Variants in IQSEC1 observed in about 807,000 individuals in gnomAD.
IQSEC1 encodes the protein IQ motif and SEC7 domain-containing protein 1.
IQSEC1 carries 31 observed loss-of-function variants against 91.0 expected under a neutral mutation model. The observed-to-expected ratio is 0.34, with a 90% CI of 0.26 to 0.46. IQSEC1 has a LOEUF of 0.46. Among genes scored for constraint, IQSEC1 ranks in the 20% least tolerant of loss-of-function variants. IQSEC1 has a pLI of 1.00. For missense variants in IQSEC1, 1,388 were observed against 1,575.6 expected (o/e 0.88, Z 2.02); for synonymous variants, 699 against 662.6 (o/e 1.05, Z -0.84).
intron 1 of IQSEC1, among the ~76,000 whole-genome samples, chr3:13,274,636 G>A (rs564970287): frequency 2.0e-5 from 3 of 152,336 alleles, no homozygotes; most frequent in South Asian, 2.1e-4. Flanking sequence ...GAATGAAGAC[G>A]TGAACAGCAA....
intron 2 of IQSEC1, among the ~76,000 whole-genome samples, chr3:13,109,859 T>C (rs1268582526): frequency 6.6e-6 from 1 of 151,206 alleles, no homozygotes; most frequent in Admixed American, 6.6e-5. Context: ...AATGGCCTAA[T>C]ACAGGCTGTT....
intron 2 of IQSEC1, 52 bp from the exon 3 acceptor site, chr3:12,936,749 A>T: frequency 6.9e-7 from 1 of 1,458,500 alleles, no homozygotes; most frequent in Non-Finnish European, 9.2e-7. Flanking sequence ...GCACAGTGCG[A>T]CATTTACCAA....
Position 13,174,613 on chromosome 3 carries a change from C to A in IQSEC1, c.273-10480G>T, listed in dbSNP as rs368585778. On this transcript the variant is annotated intron_variant, in intron 1 of 15. Coordinates refer to the IQSEC1 transcript ENST00000648114. Reference sequence around the variant, plus strand: ...CCTTCCAGAATCAGCCCTTTCCCAACCCTCTCCTGCCCTGCCTGGGCCAGG... The same window carrying A: ...CCTTCCAGAATCAGCCCTTTCCCAAACCTCTCCTGCCCTGCCTGGGCCAGG... 1.4e-4 allele frequency among the ~76,000 whole-genome samples: 22 copies of A among 152,294 alleles called. No homozygotes were observed. In the East Asian group the frequency reaches 1.5e-3, roughly 11 times the overall value.
chr3:13,187,184 G>A (rs1289264403), intron 1 of IQSEC1, among the ~76,000 whole-genome samples: 1 of 152,082 alleles, frequency 6.6e-6, no homozygotes, highest in Non-Finnish European at 1.5e-5. Context: ...ATCTACTATG[G>A]GTTAGGCACT....
In IQSEC1 at chr3:12,941,825, G is replaced by A. The variant is rs1434351674; in HGVS notation, c.64C>T (p.Leu22=). 6.2e-7 allele frequency: 1 copy of A among 1,608,724 alleles called. No individual in the cohort carries two copies. Among genetic ancestry groups the A allele is most frequent in the South Asian group, 1.1e-5 (1 of 90,544 alleles). ...TGGGGGTAGGCTGAGGGGCTGTCCA[G>A]GGATGTGCCAGTCTCACTGCTGGGG... ...EAPSSETGTS[L]DSPSAYPQGP... The change falls in exon 2 of 14, where the codon CTG becomes TTG. Residue 22 remains leucine, a synonymous_variant. Transcript: ENST00000613206.
At chr3:12,954,020 G>A (rs752527508) in intron 1 of IQSEC1, among the ~76,000 whole-genome samples, 26 of 152,220 alleles carry the variant, frequency 1.7e-4, no homozygotes, top group Admixed American at 6.5e-4. Flanking sequence ...GCGCGTAGTC[G>A]GGTGGGGGAC....
intron 12 of IQSEC1, among the ~76,000 whole-genome samples, chr3:12,904,064 C>T (rs1694689717): frequency 6.6e-6 from 1 of 152,214 alleles, no homozygotes; most frequent in Non-Finnish European, 1.5e-5. Context: ...CCCACTGTGC[C>T]CCGTCCCCAG....
At chr3:13,082,974 C>G (rs142155136) in intron 2 of IQSEC1, among the ~76,000 whole-genome samples, 1 of 152,180 alleles carries the variant, frequency 6.6e-6, no homozygotes, top group African/African-American at 2.4e-5. Context: ...GCTCCAGGCA[C>G]GGCAGAGTGT....
chr3:13,212,501 T>C (rs1369390813), intron 1 of IQSEC1, among the ~76,000 whole-genome samples: 2 of 152,212 alleles, frequency 1.3e-5, no homozygotes, highest in East Asian at 1.9e-4. Flanking sequence ...ATGAATTCTG[T>C]AGGTTTTCAT....
At chr3:13,260,450 C>A (rs746733496) in intron 1 of IQSEC1, among the ~76,000 whole-genome samples, 1 of 152,216 alleles carries the variant, frequency 6.6e-6, no homozygotes, top group Admixed American at 6.5e-5. Flanking sequence ...ACAATACTCT[C>A]ATTTCTGTCC....
At chr3:13,226,168 C>T (rs141344530) in intron 1 of IQSEC1, among the ~76,000 whole-genome samples, 534 of 152,254 alleles carry the variant, frequency 3.5e-3, no homozygotes, top group Middle Eastern at 0.024. Context: ...CGTGAGCAAC[C>T]GCGCCCAGCC....
rs1696269006 is a variant in IQSEC1, at chr3:12,917,998, G to A, written c.2021-2265C>T. On this transcript the variant is annotated intron_variant, in intron 6 of 13. Coordinates refer to ENST00000613206, the MANE Select transcript of IQSEC1 (RefSeq NM_001134382.3). Reference sequence around the variant, plus strand: ...AGAGAGGATGTGTGTTGGGGAGGGGGTGAGGATTTCCCTACAAAAAGGACA... The same window carrying A: ...AGAGAGGATGTGTGTTGGGGAGGGGATGAGGATTTCCCTACAAAAAGGACA... Among the ~76,000 whole-genome samples the A allele has an allele frequency of 2.6e-5, 4 of 152,258 alleles. No homozygotes were observed. In the South Asian group the frequency reaches 8.3e-4, roughly 32 times the overall value.
At chr3:13,122,373 G>C (rs557304602) in intron 2 of IQSEC1, among the ~76,000 whole-genome samples, 1 of 152,382 alleles carries the variant, frequency 6.6e-6, no homozygotes, top group East Asian at 1.9e-4. Flanking sequence ...CTTTGTCTTT[G>C]ACTGAGTGAG....
At position 12,941,695 on chromosome 3, in the gene IQSEC1, G is replaced by T. The variant is rs763391103; in HGVS notation, c.194C>A (p.Thr65Lys). The change falls in exon 2 of 14, where the codon ACG (threonine) becomes AAG (lysine). Residue 65 changes from threonine (T) to lysine (K), a missense_variant. Physicochemically the swap from Thr to Lys is moderately conservative, Grantham distance 78. This residue lies in a region of IQSEC1 where 1,059 missense variants were observed against 1,317.8 expected (regional missense o/e 0.80). Transcript: ENST00000613206. Reference protein sequence around the residue: ...YSGPPGQQQRTRRPKLQHSTS... With the variant: ...YSGPPGQQQRKRRPKLQHSTS... Reference sequence around the variant, plus strand: ...CGAGTGCTGCAGCTTGGGCCTCCGCGTGCGCTGCTGTTGCCCCGGCGGCCC... The same window carrying T: ...CGAGTGCTGCAGCTTGGGCCTCCGCTTGCGCTGCTGTTGCCCCGGCGGCCC... The T allele has an allele frequency of 1.2e-6, 2 of 1,612,688 alleles. No individual in the cohort carries two copies. Among genetic ancestry groups the T allele is most frequent in the Non-Finnish European group, 8.5e-7 (1 of 1,179,972 alleles).
At chr3:13,063,384 AT>A (rs1176283467) in intron 1 of IQSEC1, among the ~76,000 whole-genome samples, 1 of 152,236 alleles carries the variant, frequency 6.6e-6, no homozygotes, top group Non-Finnish European at 1.5e-5. Flanking sequence ...TCAAAATGGC[AT>A]TTGATGGAAT....
chr3:13,045,354 C>T (rs1227141423), intron 1 of IQSEC1, among the ~76,000 whole-genome samples: 2 of 152,198 alleles, frequency 1.3e-5, no homozygotes, highest in South Asian at 2.1e-4. Context: ...GCCACAGATG[C>T]TCTGTGAAGG....
intron 1 of IQSEC1, among the ~76,000 whole-genome samples, chr3:12,973,286 C>T (rs12488528): frequency 0.19 from 29,324 of 152,170 alleles, 4,178 homozygotes; most frequent in East Asian, 0.75. Flanking sequence ...CTTCCCAGCC[C>T]CAGTGCCTTT....
intron 1 of IQSEC1, among the ~76,000 whole-genome samples, chr3:13,043,018 G>A (rs1177045723): frequency 6.6e-6 from 1 of 152,192 alleles, no homozygotes; most frequent in African/African-American, 2.4e-5. Flanking sequence ...GGCTCTGAAA[G>A]GCAGGCGAAG....
chr3:13,235,444 C>T (rs1432204870), intron 1 of IQSEC1, among the ~76,000 whole-genome samples: 3 of 152,242 alleles, frequency 2.0e-5, no homozygotes, highest in Non-Finnish European at 4.4e-5. Flanking sequence ...CTCCAGAAAC[C>T]TCCCTGCTCA....
Sources: gnomAD v4.1 joint callset for allele counts (sites outside exome capture counted in the v4.1 genomes callset) on GRCh38, gnomAD v4.1.1 for gene constraint, gnomAD v4.1.1 regional missense constraint, MANE v1.5 for transcripts, NCBI Gene and HGNC (gene_info 2026-07-23, HGNC 2026-07-21) for gene names.